PRKG1: variants seen among roughly 807,000 people sequenced by gnomAD.
PRKG1 encodes the protein cGMP-dependent protein kinase 1.
A neutral mutation model predicts 88.1 loss-of-function variants in PRKG1; 35 were observed. That is an observed-to-expected ratio of 0.40 (90% CI 0.30 to 0.53). The LOEUF (loss-of-function observed/expected upper bound fraction) is 0.53, where lower values mean the gene tolerates loss of function less well. PRKG1 is among the 20% of genes least tolerant of loss of function. PRKG1 has a pLI of 0.59. For missense variants in PRKG1, 540 were observed against 839.8 expected, an observed-to-expected ratio of 0.64 and a Z score of 4.41; for synonymous variants, 303 against 292.5, an observed-to-expected ratio of 1.04 and a Z score of -0.37.
intron 1 of PRKG1, among the ~76,000 whole-genome samples, chr10:51,057,235 A>G (rs3964605): frequency 0.24 from 35,935 of 152,144 alleles, 4,361 homozygotes; most frequent in Admixed American, 0.27. Context: ...AGGTCAGGAT[A>G]TATATCTAAT....
At chr10:51,288,922 T>C (rs1387857516) in intron 2 of PRKG1, among the ~76,000 whole-genome samples, 2 of 152,162 alleles carry the variant, frequency 1.3e-5, no homozygotes, top group African/African-American at 2.4e-5. Flanking sequence ...GTTGCATGCA[T>C]GATTATGTAT....
At chr10:51,938,742 C>G (rs1028899692) in intron 5 of PRKG1, among the ~76,000 whole-genome samples, 4 of 151,836 alleles carry the variant, frequency 2.6e-5, no homozygotes, top group African/African-American at 9.7e-5. Context: ...TCAGAGTACC[C>G]AAAATCAAGT....
At chr10:51,254,458 T>C (rs1564656934) in intron 2 of PRKG1, among the ~76,000 whole-genome samples, 1 of 152,038 alleles carries the variant, frequency 6.6e-6, no homozygotes, top group Non-Finnish European at 1.5e-5. Context: ...TTAGCCATTC[T>C]GTTCAACCTT....
chr10:51,395,873 G>A (rs1335410156), intron 2 of PRKG1, among the ~76,000 whole-genome samples: 2 of 152,104 alleles, frequency 1.3e-5, no homozygotes, highest in African/African-American at 4.8e-5. Flanking sequence ...GCAATAGTGG[G>A]GAGAAACATT....
At chr10:51,491,564 A>G (rs1350802295) in intron 3 of PRKG1, among the ~76,000 whole-genome samples, 2 of 152,134 alleles carry the variant, frequency 1.3e-5, no homozygotes, top group African/African-American at 4.8e-5. Flanking sequence ...AAAATGGTTC[A>G]GAGCATGACT....
chr10:51,844,049 T>C (rs1262217851), intron 4 of PRKG1, among the ~76,000 whole-genome samples: 1 of 152,182 alleles, frequency 6.6e-6, no homozygotes, highest in African/African-American at 2.4e-5. Context: ...AGTGAGTTTT[T>C]TCCTTATTAT....
intron 9 of PRKG1, among the ~76,000 whole-genome samples, chr10:52,233,373 G>A (rs1316905675): frequency 6.6e-6 from 1 of 151,556 alleles, no homozygotes; most frequent in African/African-American, 2.4e-5. Context: ...CGCAGAAGAC[G>A]GGTGATTTCT....
At chr10:52,221,496 T>A (rs191716908) in intron 9 of PRKG1, among the ~76,000 whole-genome samples, 163 of 152,280 alleles carry the variant, frequency 1.1e-3, no homozygotes, top group African/African-American at 3.6e-3. Context: ...ACTCCATATT[T>A]CATGGTACTT....
chr10:51,671,763 T>A (rs2132350147), intron 3 of PRKG1, among the ~76,000 whole-genome samples: 1 of 152,246 alleles, frequency 6.6e-6, no homozygotes. Context: ...ATTTTTTGTA[T>A]TTTTTGTAGG....
At chr10:52,148,029 G>T (rs1008932812) in intron 8 of PRKG1, among the ~76,000 whole-genome samples, 3 of 152,056 alleles carry the variant, frequency 2.0e-5, no homozygotes, top group African/African-American at 7.2e-5. Context: ...GAAGTCTTAA[G>T]GTTAAATATT....
intron 10 of PRKG1, among the ~76,000 whole-genome samples, chr10:52,264,195 T>C (rs1190511770): frequency 6.6e-6 from 1 of 152,054 alleles, no homozygotes; most frequent in Non-Finnish European, 1.5e-5. Context: ...AACGGGAATA[T>C]TGGGAAATGA....
intron 5 of PRKG1, among the ~76,000 whole-genome samples, chr10:51,972,517 C>A (rs1005610954): frequency 6.6e-6 from 1 of 152,136 alleles, no homozygotes; most frequent in Non-Finnish European, 1.5e-5. Flanking sequence ...ACTTATAACA[C>A]GTGGTAAATG....
chr10:52,062,814 T>C (rs1252117169), intron 7 of PRKG1, 183 bp downstream of exon 7: 1 of 722,562 alleles, frequency 1.4e-6, no homozygotes, highest in Non-Finnish European at 2.6e-6. Flanking sequence ...TTTGAATACG[T>C]TGTGGAATAA....
At chr10:51,667,253 G>A (rs778035920) in intron 3 of PRKG1, among the ~76,000 whole-genome samples, 1 of 152,042 alleles carries the variant, frequency 6.6e-6, no homozygotes, top group Non-Finnish European at 1.5e-5. Flanking sequence ...AATAAAGCAT[G>A]TTTTTCTTGT....
At chr10:52,014,313 T>C (rs561867240) in intron 5 of PRKG1, among the ~76,000 whole-genome samples, 1 of 152,180 alleles carries the variant, frequency 6.6e-6, no homozygotes, top group South Asian at 2.1e-4. Flanking sequence ...ACATATTATA[T>C]GGTGGCAGGA....
chr10:51,175,453 A>G (rs1837165822), intron 2 of PRKG1, among the ~76,000 whole-genome samples: 1 of 151,928 alleles, frequency 6.6e-6, no homozygotes, highest in South Asian at 2.1e-4. Context: ...ACATAATTTT[A>G]TACTTTATCT....
chr10:52,012,582 T>C (rs12248180), intron 5 of PRKG1, among the ~76,000 whole-genome samples: 2,048 of 152,208 alleles, frequency 0.013, 33 homozygotes, highest in African/African-American at 0.045. Context: ...ATACAGGGTT[T>C]CACCATGTTG....
chr10:51,679,256 G>A (rs532874771), intron 3 of PRKG1, among the ~76,000 whole-genome samples: 2 of 151,958 alleles, frequency 1.3e-5, no homozygotes, highest in African/African-American at 4.8e-5. Flanking sequence ...TTACACTCAG[G>A]GTTCCTAAGA....
At chr10:51,428,677 C>T (rs1409183313) in intron 2 of PRKG1, among the ~76,000 whole-genome samples, 1 of 152,084 alleles carries the variant, frequency 6.6e-6, no homozygotes, top group Admixed American at 6.5e-5. Flanking sequence ...GGTAAGTCTA[C>T]CAGGAAAGGG....
Sources: gnomAD v4.1 joint callset for allele counts (sites outside exome capture counted in the v4.1 genomes callset) on GRCh38, gnomAD v4.1.1 for gene constraint, MANE v1.5 for transcripts, NCBI Gene and HGNC (gene_info 2026-07-23, HGNC 2026-07-21) for gene names.